RIPK1: variants seen among roughly 807,000 people sequenced by gnomAD.
The protein encoded by RIPK1 is receptor-interacting serine/threonine-protein kinase 1.
RIPK1 carries 27 observed loss-of-function variants against 62.4 expected under a neutral mutation model. That is an observed-to-expected ratio of 0.43 (90% CI 0.32 to 0.60). RIPK1 has a LOEUF of 0.60. Among genes scored for constraint, RIPK1 ranks in the 20% least tolerant of loss-of-function variants. The pLI is 0.07. For missense variants in RIPK1, 735 were observed against 831.0 expected (o/e 0.88, Z 1.42); for synonymous variants, 287 against 303.2 (o/e 0.95, Z 0.55).
At chr6:3,080,879 C>T (rs760423519) in intron 3 of RIPK1, 100 bp from the exon 4 acceptor site, 1 of 1,179,038 alleles carries the variant, frequency 8.5e-7, no homozygotes, top group African/African-American at 1.5e-5. Context: ...ACCTGGTAAC[C>T]TTCTCCTCAG....
intron 6 of RIPK1, among the ~76,000 whole-genome samples, chr6:3,086,069 C>G (rs909598287): frequency 2.2e-5 from 1 of 45,296 alleles, no homozygotes; most frequent in Non-Finnish European, 2.1e-4. Flanking sequence ...CCTTGTTTAG[C>G]TGGCATCTTT....
chr6:3,068,729 G>A (rs920823114), intron 1 of RIPK1, 68 bp downstream of exon 1: 3 of 950,006 alleles, frequency 3.2e-6, no homozygotes, highest in South Asian at 9.7e-5. Context: ...TGACCCCCCT[G>A]GTCGGGGTTC....
chr6:3,107,323 G>A lies in RIPK1; in HGVS notation c.1576+1272G>A, dbSNP rs1318113469. 1.8e-4 allele frequency among the ~76,000 whole-genome samples: 27 copies of A among 150,314 alleles called. No individual in the cohort carries two copies. The South Asian group carries it at 5.5e-3, about 30-fold the overall frequency. ...TGTAATTCCAGCACTTTGGGAGGCC[G>A]AGGTGGGAAGATCACGAGGTCAGGA... On this transcript the variant is annotated intron_variant, in intron 9 of 10. Coordinates refer to ENST00000259808, the MANE Select transcript of RIPK1 (RefSeq NM_001354930.2).
At chr6:3,073,347 T>C (rs566254361) in intron 1 of RIPK1, among the ~76,000 whole-genome samples, 2 of 152,182 alleles carry the variant, frequency 1.3e-5, no homozygotes, top group African/African-American at 2.4e-5. Context: ...TTACCACTTC[T>C]GTGAGGTGGT....
At chr6:3,073,311 C>T (rs927000033) in intron 1 of RIPK1, among the ~76,000 whole-genome samples, 5 of 151,348 alleles carry the variant, frequency 3.3e-5, no homozygotes, top group South Asian at 2.1e-4. Flanking sequence ...CATACATGAA[C>T]GTATACTTTT....
At chr6:3,064,423 G>A (rs1040265759), upstream of RIPK1, among the ~76,000 whole-genome samples, 14 of 152,192 alleles carry the variant, frequency 9.2e-5, no homozygotes, top group African/African-American at 3.1e-4. Context: ...TTCTTCTTCT[G>A]TCTTTCAAAG....
At chr6:3,108,986 T>C (rs1761012528) in intron 9 of RIPK1, among the ~76,000 whole-genome samples, 1 of 152,160 alleles carries the variant, frequency 6.6e-6, no homozygotes, top group South Asian at 2.1e-4. Context: ...TCCTCAGAAC[T>C]GTCTTCTCAA....
chr6:3,069,051 C>T (rs925795067), intron 1 of RIPK1, among the ~76,000 whole-genome samples: 1 of 152,194 alleles, frequency 6.6e-6, no homozygotes, highest in Non-Finnish European at 1.5e-5. Context: ...CGCTGGCCGC[C>T]TCTGTGCCAG....
At chr6:3,074,549 G>T (rs1165125618) in intron 1 of RIPK1, among the ~76,000 whole-genome samples, 1 of 152,082 alleles carries the variant, frequency 6.6e-6, no homozygotes, top group African/African-American at 2.4e-5. Flanking sequence ...GGAATTGCTG[G>T]GTCATAGTGC....
chr6:3,081,820 A>G (rs1220573780), intron 4 of RIPK1, among the ~76,000 whole-genome samples: 1 of 129,340 alleles, frequency 7.7e-6, no homozygotes, highest in African/African-American at 2.9e-5. Flanking sequence ...AGATTGTGCC[A>G]TCGCACTCCA....
chr6:3,069,087 G>A (rs1266374205), intron 1 of RIPK1, among the ~76,000 whole-genome samples: 2 of 152,240 alleles, frequency 1.3e-5, no homozygotes, highest in Non-Finnish European at 1.5e-5. Context: ...ACTGGTAGCG[G>A]GCGGAGACCT....
Position 3,104,265 on chromosome 6 carries a change from A to G in RIPK1, c.956A>G (p.Gln319Arg), listed in dbSNP as rs751323055. Residue 319 changes from glutamine to arginine, a missense_variant, in exon 8 of 11, where the codon CAG becomes CGG. Gln to Arg is a conservative substitution (Grantham distance 43, BLOSUM62 1). Coordinates refer to ENST00000259808, the MANE Select transcript of RIPK1 (RefSeq NM_001354930.2). ...GAAAATGCAGTTGTGAAGAGAATGC[A>G]GTCTCTTCAACTTGATTGTGTGGCA... ...SNENAVVKRM[Q>R]SLQLDCVAVP... The G allele has an allele frequency of 6.2e-7, 1 of 1,604,616 alleles. No individual in the cohort carries two copies. The highest frequency in any genetic ancestry group is 8.5e-7 in the Non-Finnish European group (1 of 1,171,976).
At chr6:3,073,913 A>G (rs1049921234) in intron 1 of RIPK1, among the ~76,000 whole-genome samples, 2 of 152,236 alleles carry the variant, frequency 1.3e-5, no homozygotes, top group African/African-American at 4.8e-5. Flanking sequence ...CGCTTGCTTC[A>G]TCGTGTAATT....
intron 1 of RIPK1, among the ~76,000 whole-genome samples, chr6:3,071,320 G>T (rs958883154): frequency 6.6e-6 from 1 of 152,206 alleles, no homozygotes; most frequent in Non-Finnish European, 1.5e-5. Flanking sequence ...TACTTACCCT[G>T]CCTTAGAAGG....
intron 2 of RIPK1, among the ~76,000 whole-genome samples, chr6:3,077,419 C>G (rs947925241): frequency 2.0e-5 from 3 of 151,482 alleles, no homozygotes; most frequent in Admixed American, 2.0e-4. Context: ...GGTTTCACCT[C>G]TCTCCCTCCT....
rs746827290 is a variant in RIPK1, at chr6:3,077,785, C to T, written c.171C>T (p.Asn57=). 24 of 1,613,956 alleles carry T rather than the reference C, an allele frequency of 1.5e-5. No individual in the cohort carries two copies. Among genetic ancestry groups the T allele is most frequent in the African/African-American group, 4.0e-5 (3 of 74,934 alleles). Residue 57 remains asparagine, a synonymous_variant, in exon 3 of 11, where the codon AAC becomes AAT. Coordinates refer to ENST00000259808, the MANE Select transcript of RIPK1 (RefSeq NM_001354930.2). ...VYKGPNCIEH[N]EALLEEAKMM... ...GCACCTTTCCTGCCCACAGGCACAACGAGGCCCTCTTGGAGGAGGCGAAGA... is the reference window on the plus strand; with the variant it reads ...GCACCTTTCCTGCCCACAGGCACAATGAGGCCCTCTTGGAGGAGGCGAAGA...
At chr6:3,068,140 C>G (rs1384495023), upstream of RIPK1, 10 of 894,740 alleles carry the variant, frequency 1.1e-5, no homozygotes, top group Non-Finnish European at 1.3e-5. Context: ...TTTTAAAGGG[C>G]TGCAAAATAA....
At chr6:3,064,761 A>G (rs1183476414), upstream of RIPK1, among the ~76,000 whole-genome samples, 1 of 152,164 alleles carries the variant, frequency 6.6e-6, no homozygotes, top group African/African-American at 2.4e-5. Flanking sequence ...GGGGCCTTCT[A>G]AGGGGGACCA....
chr6:3,086,532 G>A (rs1581402208), intron 6 of RIPK1, among the ~76,000 whole-genome samples: 2 of 152,296 alleles, frequency 1.3e-5, no homozygotes, highest in South Asian at 2.1e-4. Flanking sequence ...TTGGTAATTC[G>A]TTAGAAAGAC....
Sources: gnomAD v4.1 joint callset for allele counts (sites outside exome capture counted in the v4.1 genomes callset) on GRCh38, gnomAD v4.1.1 for gene constraint, MANE v1.5 for transcripts, NCBI Gene and HGNC (gene_info 2026-07-23, HGNC 2026-07-21) for gene names.